Variants in LTBP1 observed in about 807,000 individuals in gnomAD.
LTBP1 encodes the protein latent-transforming growth factor beta-binding protein 1.
A neutral mutation model predicts 207.6 loss-of-function variants in LTBP1; 129 were observed. The ratio of observed to expected loss-of-function variants is 0.62; its 90% CI spans 0.54 to 0.72. The LOEUF is 0.72. LTBP1 is among the 30% of genes least tolerant of loss of function. LTBP1 has a pLI of 0.00. For synonymous variants in LTBP1, 963 were observed against 833.7 expected, an observed-to-expected ratio of 1.16 and a Z score of -2.67; for missense variants, 2,281 against 2,217.2, an observed-to-expected ratio of 1.03 and a Z score of -0.58.
rs561888127 is a variant in LTBP1 at position 33,134,316 on chromosome 2, G to A, written c.1034-477G>A. 8 of 412,328 alleles carry A rather than the reference G, an allele frequency of 1.9e-5. No individual in the cohort carries two copies. The highest frequency in any genetic ancestry group is 3.4e-5 in the Non-Finnish European group (7 of 204,130). 25.5% of individuals were successfully genotyped at this position (412,328 alleles called of 1,614,324 possible). A position where few individuals can be genotyped will look rare whatever the true frequency, so the allele number is the denominator to read the frequency against. On this transcript the variant is annotated intron_variant, in intron 4 of 33. Coordinates refer to ENST00000404816, the MANE Select transcript of LTBP1 (RefSeq NM_206943.4). This position sits in a 1 kb window ranked among gnomAD's most constrained non-coding sequence, Gnocchi z 4.4. ...CATGCCTAAAACATTTCCAGGGGTC[G>A]GGCTGCAAATAGTGACTTAATAAGT...
chr2:33,304,011 G>T (rs375991565), intron 22 of LTBP1, among the ~76,000 whole-genome samples: 1 of 152,164 alleles, frequency 6.6e-6, no homozygotes, highest in South Asian at 2.1e-4. Context: ...TCCTCGCTTT[G>T]TCTCTTTTAA....
chr2:33,193,349 C>G (rs1489924515), intron 7 of LTBP1, among the ~76,000 whole-genome samples: 3 of 152,140 alleles, frequency 2.0e-5, no homozygotes, highest in African/African-American at 7.2e-5. Context: ...ACCATGTTGC[C>G]CAGGCTGGTT....
At chr2:33,283,891 A>G (rs569213810) in intron 19 of LTBP1, among the ~76,000 whole-genome samples, 13 of 152,358 alleles carry the variant, frequency 8.5e-5, no homozygotes, top group Middle Eastern at 3.4e-3. Flanking sequence ...CTCACTGAGT[A>G]CATGTTTTTA....
chr2:33,328,171 T>TAAATAAATAAAATAAAAA (rs1559019584), intron 24 of LTBP1, among the ~76,000 whole-genome samples: 2 of 73,322 alleles, frequency 2.7e-5, no homozygotes, highest in African/African-American at 6.1e-5. Context: ...ATAAATAAAA[T>TAAATAAATAAAATAAAAA]AAAAATAAAA....
At chr2:33,248,544 A>G (rs1226631543) in intron 10 of LTBP1, among the ~76,000 whole-genome samples, 1 of 151,992 alleles carries the variant, frequency 6.6e-6, no homozygotes, top group Non-Finnish European at 1.5e-5. Context: ...CGTAACTGCA[A>G]TGGCCTTGAA....
intron 4 of LTBP1, among the ~76,000 whole-genome samples, chr2:33,131,502 G>A (rs899095879): frequency 4.6e-5 from 7 of 152,200 alleles, no homozygotes; most frequent in Non-Finnish European, 8.8e-5. Flanking sequence ...CAGCATTTAT[G>A]GAGATCCTGT....
At chr2:33,360,845 A>G in intron 27 of LTBP1, 66 bp downstream of exon 27, 3 of 1,443,456 alleles carry the variant, frequency 2.1e-6, no homozygotes, top group Non-Finnish European at 2.9e-6. Flanking sequence ...GGGCCTTGAA[A>G]TGATAACACT....
At chr2:33,110,418 T>C (rs2080334169) in intron 3 of LTBP1, among the ~76,000 whole-genome samples, 164 bp from the exon 4 acceptor site, 1 of 152,190 alleles carries the variant, frequency 6.6e-6, no homozygotes, top group Non-Finnish European at 1.5e-5. Context: ...TTTACCTCCT[T>C]CTATGTCATG....
At position 33,360,604 on chromosome 2, in the gene LTBP1, T is replaced by A; in HGVS notation, c.4008T>A (p.Asp1336Glu). The A allele has an allele frequency of 6.2e-7, 1 of 1,609,886 alleles. No individual in the cohort carries two copies. Among genetic ancestry groups the A allele is most frequent in the South Asian group, 1.1e-5 (1 of 90,990 alleles). The change falls in exon 27 of 34, where the codon GAT becomes GAA. Residue 1336 changes from aspartate (D) to glutamate (E), a missense_variant. Physicochemically the swap from Asp to Glu is conservative, Grantham distance 45. Transcript: ENST00000404816. Reference protein sequence around the residue: ...QCRSRTSTDLDVDVDQPKEEK... With the variant: ...QCRSRTSTDLEVDVDQPKEEK... Reference sequence around the variant, plus strand: ...TTTCTCTACTCCATTTAGATTTAGATGTAGATGTAGATCAACCCAAAGAAG... The same window carrying A: ...TTTCTCTACTCCATTTAGATTTAGAAGTAGATGTAGATCAACCCAAAGAAG...
At chr2:32,951,687 T>C (rs1677130163) in intron 2 of LTBP1, among the ~76,000 whole-genome samples, 1 of 152,180 alleles carries the variant, frequency 6.6e-6, no homozygotes, top group Non-Finnish European at 1.5e-5. Flanking sequence ...GCCTTCTTTA[T>C]AGGATGGTTG....
intron 10 of LTBP1, among the ~76,000 whole-genome samples, chr2:33,247,266 C>A (rs1200916507): frequency 6.6e-6 from 1 of 152,192 alleles, no homozygotes; most frequent in East Asian, 1.9e-4. Flanking sequence ...TTAAGTACAT[C>A]ATTCATTTGT....
At chr2:33,300,603 A>G (rs1558973210) in intron 21 of LTBP1, 30 bp downstream of exon 21, 1 of 1,598,960 alleles carries the variant, frequency 6.3e-7, no homozygotes. Context: ...AACTACTGAA[A>G]CTTCAGCTTA....
chr2:33,022,522 T>C (rs1487846976), intron 3 of LTBP1, among the ~76,000 whole-genome samples: 1 of 152,176 alleles, frequency 6.6e-6, no homozygotes, highest in East Asian at 1.9e-4. Flanking sequence ...ACAAGGATCC[T>C]GTAAGGAAGG....
intron 4 of LTBP1, among the ~76,000 whole-genome samples, chr2:33,116,920 A>G (rs1367051474): frequency 6.6e-6 from 1 of 152,174 alleles, no homozygotes; most frequent in Non-Finnish European, 1.5e-5. Context: ...GTGACTTCTG[A>G]CAGAAGAAAA....
At chr2:33,365,226 A>G (rs767714021) in intron 30 of LTBP1, 107 bp from the exon 31 acceptor site, 6 of 924,474 alleles carry the variant, frequency 6.5e-6, no homozygotes, top group African/African-American at 1.7e-5. Flanking sequence ...CTTGGAAGTC[A>G]CTCTTAGAAA....
intron 5 of LTBP1, among the ~76,000 whole-genome samples, chr2:33,151,823 T>TTGTGTG (rs10526529): frequency 5.4e-5 from 7 of 129,482 alleles, no homozygotes; most frequent in South Asian, 5.2e-4. Context: ...GTATTCCATT[T>TTGTGTG]TGTGTGTGTG....
intron 24 of LTBP1, among the ~76,000 whole-genome samples, chr2:33,319,432 A>G (rs1404574007): frequency 6.6e-6 from 1 of 152,130 alleles, no homozygotes; most frequent in Admixed American, 6.5e-5. Flanking sequence ...CATTGCATTC[A>G]TAAGCTGATT....
intron 2 of LTBP1, among the ~76,000 whole-genome samples, chr2:32,963,314 C>T (rs1271124327): frequency 6.6e-6 from 1 of 152,066 alleles, no homozygotes. Flanking sequence ...AAGTGATCCT[C>T]GTGCCTCAGC....
At chr2:33,203,316 G>A (rs535360693) in intron 7 of LTBP1, among the ~76,000 whole-genome samples, 145 of 152,328 alleles carry the variant, frequency 9.5e-4, no homozygotes, top group African/African-American at 1.8e-3. Context: ...GAAAATCACC[G>A]CATGTGAGAG....
Sources: allele counts gnomAD v4.1 joint callset (sites outside exome capture counted in the v4.1 genomes callset), GRCh38; gene constraint gnomAD v4.1.1; non-coding constraint Gnocchi (gnomAD v3.1); transcripts MANE v1.5; gene names NCBI Gene and HGNC (gene_info 2026-07-23, HGNC 2026-07-21).